BIN1: variants seen among roughly 807,000 people sequenced by gnomAD.
BIN1 encodes bridging integrator 1, also known as myc box-dependent-interacting protein 1.
BIN1 carries 53 observed loss-of-function variants against 82.0 expected under a neutral mutation model. The observed-to-expected ratio is 0.65, with a 90% CI of 0.52 to 0.81. BIN1 has a LOEUF of 0.81. BIN1 is among the 40% of genes least tolerant of loss of function. The pLI is 0.00. For missense variants in BIN1, 642 were observed against 784.4 expected (o/e 0.82, Z 2.17); for synonymous variants, 302 against 328.0 (o/e 0.92, Z 0.86).
intron 4 of BIN1, 72 bp from the exon 5 acceptor site, chr2:127,070,162 G>A: frequency 2.3e-6 from 3 of 1,283,490 alleles, no homozygotes; most frequent in Admixed American, 3.5e-5. Flanking sequence ...TCACCTCGCA[G>A]GGACCAGCCC....
At chr2:127,101,006 T>TGGGG (rs368156938) in intron 1 of BIN1, among the ~76,000 whole-genome samples, 2 of 109,270 alleles carry the variant, frequency 1.8e-5, no homozygotes, top group African/African-American at 4.2e-5. Flanking sequence ...GTGCGGGGGG[T>TGGGG]GGGGATAGAC....
chr2:127,083,605 C>T (rs1484683318), intron 1 of BIN1, among the ~76,000 whole-genome samples: 3 of 152,192 alleles, frequency 2.0e-5, no homozygotes, highest in East Asian at 3.9e-4. Flanking sequence ...CCACACGGTC[C>T]GCATTCAAAT....
intron 1 of BIN1, among the ~76,000 whole-genome samples, chr2:127,102,749 G>A (rs923997122): frequency 6.6e-6 from 1 of 152,218 alleles, no homozygotes; most frequent in East Asian, 1.9e-4. Context: ...ACACACACCT[G>A]GGCCCACCCA....
intron 1 of BIN1, among the ~76,000 whole-genome samples, chr2:127,088,369 G>A (rs1177764904): frequency 2.0e-5 from 3 of 149,986 alleles, no homozygotes; most frequent in African/African-American, 7.3e-5. Flanking sequence ...AGCCAAGCAA[G>A]GTCTCTGCCC....
intron 13 of BIN1, 90 bp from the exon 14 acceptor site, chr2:127,053,535 G>T: frequency 6.6e-7 from 1 of 1,523,390 alleles, no homozygotes; most frequent in Middle Eastern, 1.7e-4. Flanking sequence ...ACCCCCGCTC[G>T]CCCCAGGCCA....
chr2:127,075,805 C>G lies in BIN1; in HGVS notation c.165+821G>C, dbSNP rs540431711. ...GCTCCCGGCCCTCCCAGCTGCCCCC[C>G]CCACCGCCCTCTCCCAGAATGCTCC... On this transcript the variant is annotated intron_variant, in intron 2 of 18. Transcript: ENST00000316724. Among the ~76,000 whole-genome samples the G allele has an allele frequency of 3.5e-3, 413 of 119,292 alleles. 5 individuals are homozygous for G. The highest frequency in any genetic ancestry group is 5.5e-3 in the Non-Finnish European group (310 of 56,140). The allele number at this position is 119,292 out of a possible 152,430, so 78.3% of individuals were successfully genotyped here.
At position 127,106,624 on chromosome 2, in the gene BIN1, C is replaced by A. The variant is rs2276574; in HGVS notation, c.84+236G>T. 0.13 allele frequency among the ~76,000 whole-genome samples: 19,445 copies of A among 152,162 alleles called. 1,514 individuals carry two copies. The highest frequency in any genetic ancestry group is 0.26 in the South Asian group (1,271 of 4,826). ...CGAGCCACGAAGGTGCAAAGCGGGGCCCTGTCCTGCCCCGGCCGGGTGTGG... is the reference window on the plus strand; with the variant it reads ...CGAGCCACGAAGGTGCAAAGCGGGGACCTGTCCTGCCCCGGCCGGGTGTGG... On this transcript the variant is annotated intron_variant, in intron 1 of 18. Transcript: ENST00000316724.
chr2:127,104,064 T>C (rs990807048), intron 1 of BIN1, among the ~76,000 whole-genome samples: 1 of 152,138 alleles, frequency 6.6e-6, no homozygotes, highest in African/African-American at 2.4e-5. Context: ...GCCAGACACA[T>C]GCACCCTGCC....
At chr2:127,074,668 C>T (rs901723994) in intron 2 of BIN1, among the ~76,000 whole-genome samples, 2 of 152,164 alleles carry the variant, frequency 1.3e-5, no homozygotes, top group South Asian at 4.1e-4. Flanking sequence ...CCCAACTGTG[C>T]TTCCCTCACT....
rs70985434 is a variant in BIN1, at chr2:127,105,467, C to CCCTCCTCCTCCT, written c.84+1381_84+1392dup. Reference sequence around the variant, plus strand: ...AGCCAGCTATTCCTGGGGCTTTAATCCCTCCTCCTCCTCCTCCTCCTCCTC... The same window carrying CCCTCCTCCTCCT: ...AGCCAGCTATTCCTGGGGCTTTAATCCCTCCTCCTCCTCCTCCTCCTCCTCCTCCTCCTCCTC... On this transcript the variant is annotated intron_variant, in intron 1 of 18. Transcript: ENST00000316724. Among the ~76,000 whole-genome samples, 413 of 55,668 alleles carry CCCTCCTCCTCCT rather than the reference C, an allele frequency of 7.4e-3. 7 individuals are homozygous for CCCTCCTCCTCCT. The highest frequency in any genetic ancestry group is 0.02 in the African/African-American group (367 of 18,056). 36.5% of individuals were successfully genotyped at this position (55,668 alleles called of 152,430 possible). A position where few individuals can be genotyped will look rare whatever the true frequency, so the allele number is the denominator to read the frequency against.
chr2:127,106,769 C>T lies in BIN1; in HGVS notation c.84+91G>A. Reference sequence around the variant, plus strand: ...GACAGCACCAGATCCTGGCGAAGGACCAGGCCCCGGGGTCGGAGGATAGGG... The same window carrying T: ...GACAGCACCAGATCCTGGCGAAGGATCAGGCCCCGGGGTCGGAGGATAGGG... On this transcript the variant is annotated intron_variant, in intron 1 of 18. Coordinates refer to ENST00000316724, the MANE Select transcript of BIN1 (RefSeq NM_139343.3). 2.0e-6 allele frequency: 3 copies of T among 1,473,514 alleles called. No homozygotes were observed. In the Admixed American group the frequency reaches 6.0e-5, roughly 30 times the overall value. The allele number at this position is 1,473,514 out of a possible 1,614,324, so 91.3% of individuals were successfully genotyped here. A position where few individuals can be genotyped will look rare whatever the true frequency, so the allele number is the denominator to read the frequency against.
At chr2:127,077,546 T>C (rs6714477) in intron 1 of BIN1, among the ~76,000 whole-genome samples, 28,237 of 152,052 alleles carry the variant, frequency 0.19, 2,840 homozygotes, top group South Asian at 0.26. Context: ...ATGCTGACCA[T>C]CACGCTCTCC....
chr2:127,070,160 C>T (rs936495850), intron 4 of BIN1, 70 bp from the exon 5 acceptor site: 17 of 1,297,382 alleles, frequency 1.3e-5, no homozygotes, highest in Non-Finnish European at 1.5e-5. Context: ...GCTCACCTCG[C>T]AGGGACCAGC....
At chr2:127,086,219 C>T (rs997294119) in intron 1 of BIN1, among the ~76,000 whole-genome samples, 19 of 152,192 alleles carry the variant, frequency 1.2e-4, no homozygotes, top group Non-Finnish European at 2.2e-4. Context: ...GGATGCCACA[C>T]CTGATCAGTT....
Position 127,063,967 on chromosome 2 carries a change from C to T in BIN1, c.664G>A (p.Asp222Asn). ...AQKVFEEMNV[D>N]LQEELPSLWN... is the part of the protein sequence containing the mutation. ...AGGGACGGCAGCTCCTCCTGCAGAT[C>T]CACATTCATCTCCTCAAACACCTTC... The change falls in exon 8 of 19, where the codon GAT becomes AAT. Residue 222 changes from aspartate to asparagine, a missense_variant. Coordinates refer to ENST00000316724, the MANE Select transcript of BIN1 (RefSeq NM_139343.3). 6.2e-7 allele frequency: 1 copy of T among 1,613,896 alleles called. No individual in the cohort carries two copies. The highest frequency in any genetic ancestry group is 8.5e-7 in the Non-Finnish European group (1 of 1,180,002).
rs758722438 is a variant in BIN1 at position 127,052,378 on chromosome 2, G to C, written c.1264-16C>G. On this transcript the variant is annotated splice_polypyrimidine_tract_variant and intron_variant, in intron 14 of 18. Coordinates refer to ENST00000316724, the MANE Select transcript of BIN1 (RefSeq NM_139343.3). ...TCTCTGTGGGCTGGTAACAGGCCAC[G>C]AGGAGAGAACAGGGAGGGGGCGGGG... 117 of 1,564,618 alleles carry C rather than the reference G, an allele frequency of 7.5e-5. No homozygotes were observed. The highest frequency in any genetic ancestry group is 6.9e-6 in the Non-Finnish European group (8 of 1,154,154).
intron 11 of BIN1, among the ~76,000 whole-genome samples, chr2:127,058,762 G>A (rs532035498): frequency 1.3e-5 from 2 of 152,086 alleles, no homozygotes; most frequent in Non-Finnish European, 2.9e-5. Context: ...GAGAGGGAAG[G>A]GGAGGGCGCT....
At chr2:127,050,684 AG>A in intron 17 of BIN1, 117 bp downstream of exon 17, 1 of 1,352,934 alleles carries the variant, frequency 7.4e-7, no homozygotes, top group Non-Finnish European at 1.1e-6. Flanking sequence ...GCTGGCTGGG[AG>A]TGACCTAGTA....
At chr2:127,095,374 A>C (rs1171019181) in intron 1 of BIN1, among the ~76,000 whole-genome samples, 4 of 152,146 alleles carry the variant, frequency 2.6e-5, no homozygotes, top group African/African-American at 9.7e-5. Context: ...CCCCTGCACC[A>C]TGCCTCCCTG....
Sources: gnomAD v4.1 joint callset for allele counts (sites outside exome capture counted in the v4.1 genomes callset) on GRCh38, gnomAD v4.1.1 for gene constraint, MANE v1.5 for transcripts, NCBI Gene and HGNC (gene_info 2026-07-23, HGNC 2026-07-21) for gene names.